BAIAP2: variants seen among roughly 807,000 people sequenced by gnomAD.
BAIAP2 encodes the protein BAR/IMD domain-containing adapter protein 2.
BAIAP2 carries 18 observed loss-of-function variants against 63.0 expected under a neutral mutation model. The ratio of observed to expected loss-of-function variants is 0.29; its 90% CI spans 0.20 to 0.42. BAIAP2 has a LOEUF of 0.42. Among genes scored for constraint, BAIAP2 ranks in the 10% least tolerant of loss-of-function variants. BAIAP2 has a pLI of 1.00. For synonymous variants in BAIAP2, 386 were observed against 307.6 expected (o/e 1.25, Z -2.67); for missense variants, 610 against 734.3 (o/e 0.83, Z 1.96).
rs1341996976 is a variant in BAIAP2 at position 81,084,896 on chromosome 17, G to T, written c.279+3G>T. On this transcript the variant is annotated splice_donor_region_variant and intron_variant, in intron 4 of 13. Transcript: ENST00000428708. Reference sequence around the variant, plus strand: ...TCCAGAATCAGCTGGAAGAAATGGTGAGTCCACCCCCAGCGTGGCCCTGCG... The same window carrying T: ...TCCAGAATCAGCTGGAAGAAATGGTTAGTCCACCCCCAGCGTGGCCCTGCG... 5.0e-6 allele frequency: 8 copies of T among 1,613,544 alleles called. No individual in the cohort carries two copies. The highest frequency in any genetic ancestry group is 5.9e-6 in the Non-Finnish European group (7 of 1,180,026).
In BAIAP2 at chr17:81,046,156, G is replaced by C. The variant is rs532084584; in HGVS notation, c.55-7512G>C. Among the ~76,000 whole-genome samples, 1 of 152,244 alleles carries C rather than the reference G, an allele frequency of 6.6e-6. No homozygotes were observed. Among genetic ancestry groups the C allele is most frequent in the South Asian group, 2.1e-4 (1 of 4,820 alleles). On this transcript the variant is annotated intron_variant, in intron 1 of 13. Transcript: ENST00000428708. The surrounding 1 kb of genome is among the most constrained non-coding windows in gnomAD (Gnocchi z 4.5). ...AAGGAGGAGGATGGTGTCTCTGCCTGGTTTGTCACCGTCCCCCTTGGGATC... is the reference window on the plus strand; with the variant it reads ...AAGGAGGAGGATGGTGTCTCTGCCTCGTTTGTCACCGTCCCCCTTGGGATC...
At chr17:81,092,352 C>T (rs779111972) in intron 6 of BAIAP2, among the ~76,000 whole-genome samples, 40 of 152,220 alleles carry the variant, frequency 2.6e-4, no homozygotes, top group Admixed American at 1.4e-3. Flanking sequence ...TGTGTGGCAG[C>T]GGCCAGGCCT....
intron 12 of BAIAP2, chr17:81,107,844 C>G (rs528785321): frequency 6.5e-6 from 1 of 153,170 alleles, no homozygotes; most frequent in Non-Finnish European, 1.5e-5. Flanking sequence ...GGCTCTGGGC[C>G]GTGGGTGTTC....
chr17:81,067,882 A>G (rs8065423), intron 3 of BAIAP2, among the ~76,000 whole-genome samples: 89,730 of 152,122 alleles, frequency 0.59, 26,564 homozygotes, highest in South Asian at 0.64. Context: ...GTCCCTCGGT[A>G]CTGTCACCAG....
intron 2 of BAIAP2, among the ~76,000 whole-genome samples, chr17:81,054,564 G>A (rs1000387551): frequency 5.9e-5 from 9 of 152,190 alleles, no homozygotes; most frequent in Non-Finnish European, 1.0e-4. Flanking sequence ...GGAGGGGTGC[G>A]GATGTCAGTC....
intron 3 of BAIAP2, among the ~76,000 whole-genome samples, chr17:81,074,288 A>G (rs2053232678): frequency 7.1e-6 from 1 of 141,492 alleles, no homozygotes; most frequent in Non-Finnish European, 1.6e-5. Flanking sequence ...GTCTGTGTGC[A>G]TGCATGGATA....
chr17:81,068,945 C>T (rs1380264967), intron 3 of BAIAP2, among the ~76,000 whole-genome samples: 1 of 152,184 alleles, frequency 6.6e-6, no homozygotes, highest in Non-Finnish European at 1.5e-5. Context: ...CTCCAGGCTC[C>T]TCCACTCCCC....
chr17:81,083,741 C>T (rs1037537506), intron 3 of BAIAP2: 4 of 152,226 alleles, frequency 2.6e-5, no homozygotes, highest in Middle Eastern at 3.2e-3. Flanking sequence ...TGTGGTCGCA[C>T]CTGCTGGCCT....
At chr17:81,062,665 T>C (rs149934978) in intron 3 of BAIAP2, among the ~76,000 whole-genome samples, 1 of 150,020 alleles carries the variant, frequency 6.7e-6, no homozygotes, top group East Asian at 2.0e-4. Flanking sequence ...CTCCCACCAT[T>C]TGGGGAATTG....
chr17:81,095,573 G>C (rs1327146194), intron 6 of BAIAP2, among the ~76,000 whole-genome samples: 6 of 152,164 alleles, frequency 3.9e-5, no homozygotes, highest in Admixed American at 2.6e-4. Flanking sequence ...CATGTCATGC[G>C]CTGACTCAGG....
At chr17:81,068,435 A>C (rs2051917319) in intron 3 of BAIAP2, among the ~76,000 whole-genome samples, 1 of 152,166 alleles carries the variant, frequency 6.6e-6, no homozygotes, top group Non-Finnish European at 1.5e-5. Context: ...GGAGGCCAGG[A>C]CCCTGGTCAG....
intron 3 of BAIAP2, among the ~76,000 whole-genome samples, chr17:81,076,865 A>G (rs1361719049): frequency 6.6e-6 from 1 of 152,062 alleles, no homozygotes; most frequent in Non-Finnish European, 1.5e-5. Flanking sequence ...CAGCTCCTCG[A>G]GAGGCTGGGG....
chr17:81,104,974 A>C, intron 10 of BAIAP2: 5 of 423,234 alleles, frequency 1.2e-5, no homozygotes, highest in East Asian at 4.1e-5. Flanking sequence ...TCTCCCCCCA[A>C]CAGCAGGGAT....
At chr17:81,073,179 A>C (rs1055329334) in intron 3 of BAIAP2, among the ~76,000 whole-genome samples, 1 of 152,088 alleles carries the variant, frequency 6.6e-6, no homozygotes, top group Non-Finnish European at 1.5e-5. Context: ...GCCAGGGCTC[A>C]GCACCCCTGC....
intron 3 of BAIAP2, chr17:81,076,463 T>G (rs2053677680): frequency 6.6e-6 from 1 of 152,200 alleles, no homozygotes; most frequent in Admixed American, 6.5e-5. Flanking sequence ...GGGCTGTGCT[T>G]GCCAGGAGAC....
intron 3 of BAIAP2, among the ~76,000 whole-genome samples, chr17:81,063,270 A>G (rs574692316): frequency 6.6e-6 from 1 of 152,298 alleles, no homozygotes; most frequent in South Asian, 2.1e-4. Context: ...TAGAGATTCC[A>G]GGCTTGGTGC....
At chr17:81,081,049 C>T (rs1351371811) in intron 3 of BAIAP2, among the ~76,000 whole-genome samples, 1 of 152,208 alleles carries the variant, frequency 6.6e-6, no homozygotes, top group Non-Finnish European at 1.5e-5. Context: ...GGTGGGTTCC[C>T]CCTCTCAGGC....
intron 6 of BAIAP2, among the ~76,000 whole-genome samples, chr17:81,096,711 G>A (rs1478619797): frequency 1.3e-5 from 2 of 152,268 alleles, no homozygotes; most frequent in African/African-American, 4.8e-5. Flanking sequence ...AGCGGGCTCA[G>A]GTGTCCTCCT....
intron 3 of BAIAP2, among the ~76,000 whole-genome samples, chr17:81,081,985 T>G (rs2145182151): frequency 6.6e-6 from 1 of 152,180 alleles, no homozygotes; most frequent in Non-Finnish European, 1.5e-5. Flanking sequence ...GTACTGGGTG[T>G]GCCAGGGCGC....
Sources: allele counts gnomAD v4.1 joint callset (sites outside exome capture counted in the v4.1 genomes callset), GRCh38; gene constraint gnomAD v4.1.1; non-coding constraint Gnocchi (gnomAD v3.1); transcripts MANE v1.5; gene names NCBI Gene and HGNC (gene_info 2026-07-23, HGNC 2026-07-21).